The following GPD2 variants were observed in gnomAD, a reference collection of about 807,000 sequenced individuals.
The protein encoded by GPD2 is glycerol-3-phosphate dehydrogenase, mitochondrial.
A neutral mutation model predicts 82.4 loss-of-function variants in GPD2; 54 were observed. The observed-to-expected ratio is 0.66, with a 90% CI of 0.53 to 0.82. GPD2 has a LOEUF of 0.82. Among genes scored for constraint, GPD2 ranks in the 40% least tolerant of loss-of-function variants. The probability of loss-of-function intolerance (pLI) is 0.00; values close to 1 mark genes in which losing one functional copy is unlikely to be tolerated. For synonymous variants in GPD2, 288 were observed against 306.1 expected (o/e 0.94, Z 0.62); for missense variants, 748 against 896.2 (o/e 0.83, Z 2.11).
intron 1 of GPD2, among the ~76,000 whole-genome samples, chr2:156,450,548 ATT>A (rs1415292075): frequency 6.6e-6 from 1 of 152,134 alleles, no homozygotes; most frequent in Non-Finnish European, 1.5e-5. Flanking sequence ...TAGAGATTAC[ATT>A]TGGTGAAATG....
intron 13 of GPD2, among the ~76,000 whole-genome samples, chr2:156,577,194 A>C (rs192260735): frequency 6.6e-6 from 1 of 152,192 alleles, no homozygotes; most frequent in South Asian, 2.1e-4. Context: ...AGAAAAATCA[A>C]CTGATGGCTG....
intron 3 of GPD2, among the ~76,000 whole-genome samples, chr2:156,503,642 A>G (rs980662476): frequency 6.6e-6 from 1 of 152,196 alleles, no homozygotes; most frequent in African/African-American, 2.4e-5. Flanking sequence ...GATGTGTTAC[A>G]AATTTTAAAA....
intron 1 of GPD2, among the ~76,000 whole-genome samples, chr2:156,450,516 G>C (rs298236): frequency 0.9 from 136,326 of 152,046 alleles, 62,656 homozygotes; most frequent in South Asian, 1. Context: ...TTAAAAAAGA[G>C]ACGGTTCTAC....
intron 6 of GPD2, among the ~76,000 whole-genome samples, chr2:156,548,480 C>G (rs1163035595): frequency 6.6e-6 from 1 of 152,062 alleles, no homozygotes; most frequent in Non-Finnish European, 1.5e-5. Flanking sequence ...TATATTAGTT[C>G]AGTGGTTTTA....
intron 3 of GPD2, among the ~76,000 whole-genome samples, chr2:156,501,148 A>G (rs1684573359): frequency 6.6e-6 from 1 of 150,888 alleles, no homozygotes; most frequent in East Asian, 1.9e-4. Flanking sequence ...ATGTATTTGC[A>G]TTCTTGGTGG....
intron 9 of GPD2, among the ~76,000 whole-genome samples, chr2:156,566,657 A>G (rs1687402594): frequency 2.0e-5 from 3 of 152,112 alleles, no homozygotes; most frequent in Admixed American, 6.6e-5. Flanking sequence ...GGCTATTGTT[A>G]GTAATGCTAT....
intron 2 of GPD2, among the ~76,000 whole-genome samples, chr2:156,487,881 C>T (rs1469931835): frequency 3.3e-5 from 5 of 152,198 alleles, no homozygotes; most frequent in African/African-American, 1.2e-4. Context: ...ATTTGAAGTA[C>T]ATATATTCAG....
intron 1 of GPD2, among the ~76,000 whole-genome samples, chr2:156,472,382 G>T (rs1010234250): frequency 6.6e-6 from 1 of 152,072 alleles, no homozygotes; most frequent in Admixed American, 6.6e-5. Flanking sequence ...GTGCAGTGGC[G>T]CAGTCTCGGC....
intron 8 of GPD2, among the ~76,000 whole-genome samples, chr2:156,556,750 T>C (rs1037750410): frequency 5.9e-5 from 9 of 152,194 alleles, no homozygotes; most frequent in African/African-American, 2.2e-4. Context: ...TAGTAAAACA[T>C]GGAGCTCTTT....
At chr2:156,406,836 G>C in the GPD2 span, among the ~76,000 whole-genome samples, 8 of 151,938 alleles carry the variant, frequency 5.3e-5, no homozygotes, top group African/African-American at 1.5e-4. Context: ...AAGTTATTTG[G>C]GTCTTTTAAA....
intron 9 of GPD2, among the ~76,000 whole-genome samples, chr2:156,564,786 T>C (rs1165152663): frequency 6.6e-6 from 1 of 152,102 alleles, no homozygotes; most frequent in Non-Finnish European, 1.5e-5. Flanking sequence ...ATGTATTATT[T>C]TTAATAAATT....
chr2:156,475,252 G>A (rs1014089731), intron 1 of GPD2, among the ~76,000 whole-genome samples: 2 of 152,288 alleles, frequency 1.3e-5, no homozygotes, highest in African/African-American at 4.8e-5. Flanking sequence ...TTCCCCTAAT[G>A]AAAGGAATTA....
Position 156,505,191 on chromosome 2 carries a change from C to G in GPD2, c.275-5605C>G, listed in dbSNP as rs1051985115. Among the ~76,000 whole-genome samples, 11 of 152,046 alleles carry G rather than the reference C, an allele frequency of 7.2e-5. No homozygotes were observed. In the East Asian group the frequency reaches 2.1e-3, roughly 29 times the overall value. On this transcript the variant is annotated intron_variant, in intron 3 of 16. Coordinates refer to ENST00000438166, the MANE Select transcript of GPD2 (RefSeq NM_000408.5). ...AAATTCTCACTCAGGTCAGAAAAGA[C>G]AAAGCTGTAAAGAGCTGTGTTAGTT...
rs140770798 is a variant in GPD2 at position 156,519,050 on chromosome 2, G to A, written c.661+5554G>A. 3.6e-4 allele frequency among the ~76,000 whole-genome samples: 55 copies of A among 152,192 alleles called. 1 individual carries two copies. Among genetic ancestry groups the A allele is most frequent in the African/African-American group, 1.2e-3 (49 of 41,524 alleles). ...AGGAACACATTAGAACTTCTACTTC[G>A]ATATGTTTTTAAAGTTTAATTCCTT... is the stretch of plus-strand genomic sequence containing the variant. On this transcript the variant is annotated intron_variant, in intron 6 of 16. Coordinates refer to ENST00000438166, the MANE Select transcript of GPD2 (RefSeq NM_000408.5).
intron 6 of GPD2, among the ~76,000 whole-genome samples, chr2:156,514,129 C>CTTTTTTTTTT (rs5835618): frequency 7.1e-6 from 1 of 141,720 alleles, no homozygotes. Context: ...AATGTTCATT[C>CTTTTTTTTTT]TTTTTTTTTT....
At chr2:156,501,560 A>G (rs1173140760) in intron 3 of GPD2, among the ~76,000 whole-genome samples, 2 of 152,160 alleles carry the variant, frequency 1.3e-5, no homozygotes, top group African/African-American at 2.4e-5. Context: ...TGTAGGATAA[A>G]TGCAGAAAAG....
chr2:156,410,339 T>C, the GPD2 span, among the ~76,000 whole-genome samples: 1 of 152,170 alleles, frequency 6.6e-6, no homozygotes, highest in Non-Finnish European at 1.5e-5. Flanking sequence ...ATGTAATTAA[T>C]GATTGTGAAA....
At chr2:156,572,447 G>A (rs977910701) in intron 13 of GPD2, among the ~76,000 whole-genome samples, 1 of 152,010 alleles carries the variant, frequency 6.6e-6, no homozygotes. Context: ...TCTGTCACAT[G>A]GATTACCGCA....
chr2:156,529,999 G>A (rs1168368820), intron 6 of GPD2, among the ~76,000 whole-genome samples: 6 of 151,104 alleles, frequency 4.0e-5, no homozygotes, highest in Admixed American at 2.0e-4. Context: ...GCTTGATGGG[G>A]ATGGCATTGA....
Sources: allele counts gnomAD v4.1 joint callset (sites outside exome capture counted in the v4.1 genomes callset), GRCh38; gene constraint gnomAD v4.1.1; transcripts MANE v1.5; gene names NCBI Gene and HGNC (gene_info 2026-07-23, HGNC 2026-07-21).